The following DLGAP2 variants were observed in gnomAD, a reference collection of about 807,000 sequenced individuals.
DLGAP2 encodes DLG associated protein 2.
A neutral mutation model predicts 100.3 loss-of-function variants in DLGAP2; 26 were observed. The ratio of observed to expected loss-of-function variants is 0.26; its 90% CI spans 0.19 to 0.36. The LOEUF (loss-of-function observed/expected upper bound fraction) is 0.36, where lower values mean the gene tolerates loss of function less well. DLGAP2 is among the 10% of genes least tolerant of loss of function. The pLI is 1.00. For missense variants in DLGAP2, 1,858 were observed against 1,453.2 expected (o/e 1.28, Z -4.53); for synonymous variants, 886 against 630.1 (o/e 1.41, Z -6.08).
intron 2 of DLGAP2, among the ~76,000 whole-genome samples, chr8:1,156,879 G>A (rs903881252): frequency 1.3e-5 from 2 of 152,170 alleles, no homozygotes; most frequent in Non-Finnish European, 2.9e-5. Flanking sequence ...ACGCGAAGAT[G>A]AGGAGGCTGA....
chr8:1,137,097 C>G lies in DLGAP2; in HGVS notation c.74-121754C>G, dbSNP rs1023839319. On this transcript the variant is annotated intron_variant, in intron 2 of 14. Transcript: ENST00000637795. Reference sequence around the variant, plus strand: ...CAGTCGAGGACAAGGGGCCCATAGCCTGGTTGGTTTCTCCTGAGGCCTCTC... The same window carrying G: ...CAGTCGAGGACAAGGGGCCCATAGCGTGGTTGGTTTCTCCTGAGGCCTCTC... Among the ~76,000 whole-genome samples, 14 of 152,178 alleles carry G rather than the reference C, an allele frequency of 9.2e-5. 1 individual carries two copies. The highest frequency in any genetic ancestry group is 3.4e-4 in the African/African-American group (14 of 41,452).
intron 2 of DLGAP2, among the ~76,000 whole-genome samples, chr8:915,728 T>C (rs374367792): frequency 9.4e-4 from 143 of 152,242 alleles, no homozygotes; most frequent in African/African-American, 3.0e-3. Context: ...CATCTATTCA[T>C]CTCTCTGTCC....
chr8:1,695,508 C>T (rs888899167), intron 13 of DLGAP2, among the ~76,000 whole-genome samples: 1 of 140,378 alleles, frequency 7.1e-6, no homozygotes, highest in Non-Finnish European at 1.5e-5. Context: ...CCCGGCCCTA[C>T]AGAAAGGGGG....
At chr8:1,604,135 G>T (rs983221968) in intron 6 of DLGAP2, among the ~76,000 whole-genome samples, 1 of 152,170 alleles carries the variant, frequency 6.6e-6, no homozygotes, top group Non-Finnish European at 1.5e-5. Context: ...GGACACTGCA[G>T]ACACTGTTCA....
intron 2 of DLGAP2, among the ~76,000 whole-genome samples, chr8:1,124,746 T>C (rs554703627): frequency 2.0e-5 from 3 of 152,342 alleles, no homozygotes; most frequent in Admixed American, 1.3e-4. Flanking sequence ...ATTGCTGTCA[T>C]CTGAAATGCC....
intron 2 of DLGAP2, chr8:1,248,694 A>T (rs1412498865): frequency 1.7e-5 from 1 of 59,240 alleles, no homozygotes; most frequent in Non-Finnish European, 4.6e-5. Flanking sequence ...GGCGCCTGGG[A>T]AGAGGACTGG....
intron 2 of DLGAP2, among the ~76,000 whole-genome samples, chr8:953,505 T>A (rs1205946197): frequency 1.3e-5 from 2 of 152,248 alleles, no homozygotes; most frequent in Non-Finnish European, 2.9e-5. Flanking sequence ...ATTTTTAAAT[T>A]TCTAATTTTT....
At chr8:1,145,841 C>A (rs1283087528) in intron 2 of DLGAP2, among the ~76,000 whole-genome samples, 2 of 144,806 alleles carry the variant, frequency 1.4e-5, no homozygotes, top group Admixed American at 7.1e-5. Flanking sequence ...TCAATTCCCA[C>A]CTATGAGTGA....
At chr8:1,283,672 G>C (rs1799866794) in intron 3 of DLGAP2, among the ~76,000 whole-genome samples, 1 of 152,118 alleles carries the variant, frequency 6.6e-6, no homozygotes, top group Non-Finnish European at 1.5e-5. Context: ...AATGCTTTTT[G>C]TCACCTAACA....
intron 6 of DLGAP2, among the ~76,000 whole-genome samples, chr8:1,604,079 A>T (rs1347376389): frequency 6.6e-6 from 1 of 152,118 alleles, no homozygotes; most frequent in East Asian, 1.9e-4. Flanking sequence ...TCTTAAAGAC[A>T]CTTAAGTGAA....
At chr8:1,034,062 GT>G (rs1802060350) in intron 2 of DLGAP2, among the ~76,000 whole-genome samples, 2 of 99,700 alleles carry the variant, frequency 2.0e-5, no homozygotes, top group Non-Finnish European at 4.1e-5. Context: ...GTCACCGCGA[GT>G]GGGTTCACAG....
intron 2 of DLGAP2, among the ~76,000 whole-genome samples, chr8:1,007,124 C>G (rs1016739398): frequency 7.9e-5 from 12 of 151,918 alleles, no homozygotes; most frequent in African/African-American, 2.7e-4. Flanking sequence ...TCTGAAGTCT[C>G]AGGATATGGT....
chr8:1,530,530 C>T (rs1454812191), intron 4 of DLGAP2, among the ~76,000 whole-genome samples: 1 of 152,162 alleles, frequency 6.6e-6, no homozygotes, highest in African/African-American at 2.4e-5. Flanking sequence ...GACATACATT[C>T]TCCTCAGCTG....
At chr8:1,205,603 G>T (rs531811394) in intron 2 of DLGAP2, among the ~76,000 whole-genome samples, 1 of 152,184 alleles carries the variant, frequency 6.6e-6, no homozygotes, top group Non-Finnish European at 1.5e-5. Context: ...AAGAGCTGCC[G>T]CTGGGACGTG....
rs1800367083 is a variant in DLGAP2 at position 1,302,265 on chromosome 8, TCCCG to T, written c.106+43383_106+43386del. On this transcript the variant is annotated intron_variant, in intron 3 of 14. Transcript: ENST00000637795. ...ACCGGACTCAGCATTTTCTGTGAGT[TCCCG>T]AGCTCTGCTCCACACCTGGGACCGG... The T allele has an allele frequency of 6.8e-5, 9 of 132,570 alleles. 2 individuals carry two copies. The highest frequency in any genetic ancestry group is 1.4e-4 in the Admixed American group (2 of 13,902). The allele number at this position is 132,570 out of a possible 1,614,324, so 8.2% of individuals were successfully genotyped here.
At chr8:1,157,364 G>C (rs568378868) in intron 2 of DLGAP2, among the ~76,000 whole-genome samples, 2 of 152,258 alleles carry the variant, frequency 1.3e-5, no homozygotes, top group Non-Finnish European at 1.5e-5. Context: ...CAGGGAGTTC[G>C]AGTCCTCTTG....
intron 1 of DLGAP2, among the ~76,000 whole-genome samples, chr8:885,773 C>T (rs911973000): frequency 6.6e-6 from 1 of 152,062 alleles, no homozygotes; most frequent in Non-Finnish European, 1.5e-5. Context: ...GTAAATAGCT[C>T]ATTATTTTGA....
At chr8:975,334 G>A (rs1018235235) in intron 2 of DLGAP2, among the ~76,000 whole-genome samples, 2 of 152,214 alleles carry the variant, frequency 1.3e-5, no homozygotes, top group Non-Finnish European at 2.9e-5. Flanking sequence ...AATTATTTCA[G>A]TACTCCACAA....
In DLGAP2 at chr8:1,515,606, G is replaced by A. The variant is rs60989109; in HGVS notation, c.172+14175G>A. On this transcript the variant is annotated intron_variant, in intron 4 of 14. Coordinates refer to ENST00000637795, the MANE Select transcript of DLGAP2 (RefSeq NM_001346810.2). Reference sequence around the variant, plus strand: ...GACATGCAAAAATATGCAGACACACGTGCATGCACACACACATGCAGACAC... The same window carrying A: ...GACATGCAAAAATATGCAGACACACATGCATGCACACACACATGCAGACAC... Among the ~76,000 whole-genome samples, 1,505 of 150,998 alleles carry A rather than the reference G, an allele frequency of 1.0e-2. 24 individuals are homozygous for A. The highest frequency in any genetic ancestry group is 0.035 in the African/African-American group (1,420 of 41,052).
Sources: allele counts gnomAD v4.1 joint callset (sites outside exome capture counted in the v4.1 genomes callset), GRCh38; gene constraint gnomAD v4.1.1; transcripts MANE v1.5; gene names NCBI Gene and HGNC (gene_info 2026-07-23, HGNC 2026-07-21).